Variants in IL16 observed in about 807,000 individuals in gnomAD.
The protein encoded by IL16 is interleukin 16, also known as pro-interleukin-16.
In IL16, 67 loss-of-function variants were observed where a neutral mutation model predicts 110.1. The observed-to-expected ratio is 0.61, with a 90% CI of 0.50 to 0.75. IL16 has a LOEUF of 0.75. IL16 is among the 30% of genes least tolerant of loss of function. IL16 has a pLI of 0.00. For synonymous variants in IL16, 689 were observed against 662.9 expected, an observed-to-expected ratio of 1.04 and a Z score of -0.61; for missense variants, 1,545 against 1,655.0, an observed-to-expected ratio of 0.93 and a Z score of 1.15.
intron 1 of IL16, among the ~76,000 whole-genome samples, chr15:81,215,476 A>G (rs1269387146): frequency 6.6e-6 from 1 of 152,204 alleles, no homozygotes; most frequent in African/African-American, 2.4e-5. Flanking sequence ...AGCCAGTCAC[A>G]CTACTCTTTT....
chr15:81,237,966 G>A (rs1219647656), intron 2 of IL16, among the ~76,000 whole-genome samples: 2 of 152,072 alleles, frequency 1.3e-5, no homozygotes, highest in East Asian at 1.9e-4. Flanking sequence ...GTGCAGTGAT[G>A]CAATCTCGGC....
intron 2 of IL16, among the ~76,000 whole-genome samples, chr15:81,250,455 G>T (rs1258977620): frequency 6.6e-6 from 1 of 152,180 alleles, no homozygotes; most frequent in Non-Finnish European, 1.5e-5. Context: ...GCGATTACAG[G>T]TGGGAGCCAC....
chr15:81,225,687 C>G lies in IL16; in HGVS notation c.288C>G (p.Thr96=). 6.2e-7 allele frequency: 1 copy of G among 1,610,690 alleles called. No homozygotes were observed. The highest frequency in any genetic ancestry group is 8.5e-7 in the Non-Finnish European group (1 of 1,177,436). ...CAGCTGGGAATGATCGAGGCAAGAC[C>G]TGTAGGAGGATATTCTTCATGAAGG... ...LQAAGNDRGK[T]CRRIFFMKES... is the part of the protein sequence containing the mutation. The change falls in exon 2 of 19, where the codon ACC becomes ACG. Residue 96 remains threonine, a synonymous_variant. Coordinates refer to ENST00000683961, the MANE Select transcript of IL16 (RefSeq NM_172217.5).
At chr15:81,268,006 A>G (rs547920835) in intron 4 of IL16, among the ~76,000 whole-genome samples, 1 of 152,354 alleles carries the variant, frequency 6.6e-6, no homozygotes, top group South Asian at 2.1e-4. Context: ...ATTAACCACC[A>G]CGGATGTCCA....
chr15:81,265,340 A>T (rs1323403299), intron 3 of IL16, among the ~76,000 whole-genome samples: 3 of 152,178 alleles, frequency 2.0e-5, no homozygotes, highest in African/African-American at 7.2e-5. Context: ...GATCTGATGC[A>T]GCATTGTGGT....
chr15:81,232,042 G>GTTTTTTTGT (rs1897008513), intron 2 of IL16, among the ~76,000 whole-genome samples: 98 of 57,622 alleles, frequency 1.7e-3, no homozygotes, highest in East Asian at 3.0e-3. Flanking sequence ...ATTTGTTCTT[G>GTTTTTTTGT]TTTTTTTTTT....
At chr15:81,253,753 A>AT (rs1221768470) in intron 2 of IL16, among the ~76,000 whole-genome samples, 2 of 152,202 alleles carry the variant, frequency 1.3e-5, no homozygotes, top group Non-Finnish European at 2.9e-5. Context: ...AGGGCATTGT[A>AT]TTAATAATAG....
intron 16 of IL16, among the ~76,000 whole-genome samples, chr15:81,304,742 G>C (rs1596058258): frequency 6.6e-6 from 1 of 152,210 alleles, no homozygotes; most frequent in African/African-American, 2.4e-5. Flanking sequence ...TGAGGAACCT[G>C]AGGCTCAGAG....
chr15:81,296,732 C>T (rs1443247585), intron 12 of IL16, among the ~76,000 whole-genome samples, 196 bp from the exon 13 acceptor site: 3 of 152,206 alleles, frequency 2.0e-5, no homozygotes, highest in Admixed American at 1.3e-4. Flanking sequence ...TCAAGGGATG[C>T]TCTGCATGTC....
intron 2 of IL16, among the ~76,000 whole-genome samples, chr15:81,242,271 A>G (rs1897363567): frequency 6.6e-6 from 1 of 152,194 alleles, no homozygotes; most frequent in Non-Finnish European, 1.5e-5. Flanking sequence ...TATATCTACA[A>G]AAAGTCTTAC....
chr15:81,307,205 C>T lies in IL16; in HGVS notation c.3805+660C>T, dbSNP rs181615475. The stretch of plus-strand genomic sequence containing the variant: ...GTTCCTCAAATTGGAGGTCTCCAAG[C>T]CACAGAGCAAGGGGTTGTAGAGAGA... On this transcript the variant is annotated intron_variant, in intron 18 of 18. Transcript: ENST00000683961. 2.0e-3 allele frequency among the ~76,000 whole-genome samples: 297 copies of T among 152,290 alleles called. 2 individuals carry two copies. The highest frequency in any genetic ancestry group is 0.017 in the Middle Eastern group (5 of 294).
intron 1 of IL16, among the ~76,000 whole-genome samples, chr15:81,224,022 G>A (rs1450674968): frequency 6.6e-6 from 1 of 152,182 alleles, no homozygotes; most frequent in Non-Finnish European, 1.5e-5. Context: ...CTGATATATT[G>A]TAGACTTTCA....
upstream of IL16, among the ~76,000 whole-genome samples, chr15:81,192,496 C>G (rs771611312): frequency 6.6e-6 from 1 of 152,076 alleles, no homozygotes; most frequent in African/African-American, 2.4e-5. Context: ...GTTGTCCTAG[C>G]TACTCGGGAG....
At chr15:81,261,171 C>T (rs1898137478) in intron 3 of IL16, among the ~76,000 whole-genome samples, 1 of 152,184 alleles carries the variant, frequency 6.6e-6, no homozygotes, top group African/African-American at 2.4e-5. Flanking sequence ...TGGTAGGACT[C>T]ACTGTAAAAT....
At chr15:81,291,389 C>A (rs1899710863) in intron 11 of IL16, among the ~76,000 whole-genome samples, 2 of 152,104 alleles carry the variant, frequency 1.3e-5, no homozygotes, top group African/African-American at 4.8e-5. Flanking sequence ...TTTTTACTTT[C>A]ATTCCTTCCT....
At chr15:81,225,906 A>C (rs2142039956) in intron 2 of IL16, among the ~76,000 whole-genome samples, 195 bp downstream of exon 2, 1 of 152,204 alleles carries the variant, frequency 6.6e-6, no homozygotes, top group East Asian at 1.9e-4. Context: ...CTCAGTTAAC[A>C]CTCTTGCTTG....
intron 2 of IL16, among the ~76,000 whole-genome samples, chr15:81,247,443 C>A (rs892982377): frequency 3.9e-5 from 6 of 152,054 alleles, no homozygotes; most frequent in African/African-American, 1.2e-4. Context: ...AGGTATGTTT[C>A]TTGATTTTCA....
Position 81,275,253 on chromosome 15 carries a change from G to T in IL16, c.790+2049G>T, listed in dbSNP as rs1370400531. 4.6e-5 allele frequency among the ~76,000 whole-genome samples: 7 copies of T among 150,784 alleles called. No homozygotes were observed. In the East Asian group the frequency reaches 5.9e-4, roughly 13 times the overall value. ...AGATGGCGCTGTCCAGCAGGGAAAT[G>T]ACATCCGTTCTCTCTCCGTTCAGGG... On this transcript the variant is annotated intron_variant, in intron 6 of 18. Transcript: ENST00000683961.
In IL16 at chr15:81,313,084, G is replaced by T; in HGVS notation, c.*4286G>T. On this transcript the variant is annotated 3_prime_UTR_variant, in exon 19 of 19. Transcript: ENST00000683961. ...ACGCCAACCCTGAGTGGGGCAGGAG[G>T]CAGGAAGGGTGGGCTGCCGCCTCTG... 1 of 677,132 alleles carries T rather than the reference G, an allele frequency of 1.5e-6. No homozygotes were observed. Among genetic ancestry groups the T allele is most frequent in the Non-Finnish European group, 2.2e-6 (1 of 451,016 alleles). The allele number at this position is 677,132 out of a possible 1,614,324, so 41.9% of individuals were successfully genotyped here.
Sources: gnomAD v4.1 joint callset for allele counts (sites outside exome capture counted in the v4.1 genomes callset) on GRCh38, gnomAD v4.1.1 for gene constraint, MANE v1.5 for transcripts, NCBI Gene and HGNC (gene_info 2026-07-23, HGNC 2026-07-21) for gene names.